GRK6: variants seen among roughly 807,000 people sequenced by gnomAD.
GRK6 encodes the protein G protein-coupled receptor kinase 6.
In GRK6, 37 loss-of-function variants were observed where a neutral mutation model predicts 80.8. The observed-to-expected ratio is 0.46, with a 90% CI of 0.35 to 0.60. GRK6 has a LOEUF of 0.60. Ranked by LOEUF, GRK6 falls within the 20% of genes least tolerant of loss-of-function variation. The probability of loss-of-function intolerance (pLI) is 0.00; values close to 1 mark genes in which losing one functional copy is unlikely to be tolerated. For synonymous variants in GRK6, 295 were observed against 320.9 expected (o/e 0.92, Z 0.86); for missense variants, 560 against 784.6 (o/e 0.71, Z 3.42).
chr5:177,441,031 T>TG lies in GRK6; in HGVS notation c.1656dup (p.Gln553AlafsTer116). 6.2e-7 allele frequency: 1 copy of TG among 1,613,986 alleles called. No homozygotes were observed. Among genetic ancestry groups the TG allele is most frequent in the Non-Finnish European group, 8.5e-7 (1 of 1,179,978 alleles). On this transcript the variant is annotated frameshift_variant, in exon 15 of 16. Transcript: ENST00000355472. LOFTEE classifies it high-confidence loss of function. ...CCTGCACCTCCTAAAAAGGGACTGC[T>TG]GCAGAGACTCTTCAGTCGCCAAGTA...
intron 15 of GRK6, among the ~76,000 whole-genome samples, 188 bp from the exon 16 acceptor site, chr5:177,441,549 A>G (rs373017798): frequency 2.0e-5 from 3 of 152,084 alleles, no homozygotes; most frequent in Non-Finnish European, 2.9e-5. Flanking sequence ...AGCCTCTGCA[A>G]TGACGCCCAC....
chr5:177,437,259 C>T (rs996200094), intron 13 of GRK6, among the ~76,000 whole-genome samples: 9 of 151,994 alleles, frequency 5.9e-5, no homozygotes, highest in Non-Finnish European at 1.0e-4. Context: ...CTGCCCTTGC[C>T]CAATAATTTC....
intron 13 of GRK6, among the ~76,000 whole-genome samples, chr5:177,437,504 A>C (rs1764216675): frequency 6.6e-6 from 1 of 152,142 alleles, no homozygotes; most frequent in African/African-American, 2.4e-5. Context: ...TCACCTGTTA[A>C]CTGAGCATCT....
At chr5:177,430,456 A>G (rs1039497619) in intron 1 of GRK6, among the ~76,000 whole-genome samples, 2 of 152,130 alleles carry the variant, frequency 1.3e-5, no homozygotes, top group South Asian at 2.1e-4. Context: ...CCTTGTCCCC[A>G]TGCTGCCCTG....
At chr5:177,426,195 C>T (rs558763466), upstream of GRK6, among the ~76,000 whole-genome samples, 2 of 152,302 alleles carry the variant, frequency 1.3e-5, no homozygotes, top group East Asian at 3.9e-4. Flanking sequence ...GCTGCCAGCC[C>T]GCAGGAGGCC....
chr5:177,431,946 C>G, intron 2 of GRK6, 49 bp from the exon 3 acceptor site: 1 of 1,513,442 alleles, frequency 6.6e-7, no homozygotes, highest in Non-Finnish European at 9.2e-7. Flanking sequence ...CATGCCCCAC[C>G]CATGTGCTCT....
chr5:177,441,674 C>T, intron 15 of GRK6, 63 bp from the exon 16 acceptor site: 1 of 1,372,754 alleles, frequency 7.3e-7, no homozygotes, highest in Non-Finnish European at 1.0e-6. Context: ...TGTGACGTCC[C>T]TCGTGGTTAA....
At position 177,441,073 on chromosome 5, in the gene GRK6, T is replaced by C. The variant is rs373478948; in HGVS notation, c.1677+20T>C. ...CGCCAAGTAAGCCCCAGCAGCGGCC[T>C]ACCTGGGCCCCTAACCTGGCTCCAG... On this transcript the variant is annotated intron_variant, in intron 15 of 15. Coordinates refer to ENST00000355472, the MANE Select transcript of GRK6 (RefSeq NM_001004106.3). 1.6e-4 allele frequency: 257 copies of C among 1,612,148 alleles called. 2 individuals are homozygous for C. The South Asian group carries it at 2.2e-3, about 14-fold the overall frequency.
chr5:177,434,879 A>G, intron 9 of GRK6, 23 bp from the exon 10 acceptor site: 1 of 1,595,080 alleles, frequency 6.3e-7, no homozygotes, highest in Non-Finnish European at 8.6e-7. Context: ...GCAGCATCTG[A>G]CCCTGCTCTT....
rs759973265 is a variant in GRK6, at chr5:177,436,300, G to T, written c.1266+19G>T. The T allele has an allele frequency of 9.9e-6, 16 of 1,613,520 alleles. No individual in the cohort carries two copies. The highest frequency in any genetic ancestry group is 1.3e-5 in the Non-Finnish European group (15 of 1,179,802). On this transcript the variant is annotated intron_variant, in intron 12 of 15. Coordinates refer to ENST00000355472, the MANE Select transcript of GRK6 (RefSeq NM_001004106.3). ...CTCACAGGTACGGCAGCTCACAGAA[G>T]CCTGGCCAGCCAGGGCTGGGGTGGA...
chr5:177,436,014 G>T, intron 11 of GRK6, 59 bp from the exon 12 acceptor site: 4 of 1,465,324 alleles, frequency 2.7e-6, no homozygotes, highest in Non-Finnish European at 3.8e-6. Flanking sequence ...GCGTTCCTGG[G>T]GCCTGAGGGT....
At position 177,436,436 on chromosome 5, in the gene GRK6, G is replaced by A. The variant is rs760926294; in HGVS notation, c.1310G>A (p.Gly437Asp). Residue 437 changes from glycine (G) to aspartate (D), a missense_variant, in exon 13 of 16, where the codon GGC becomes GAC. Coordinates refer to ENST00000355472, the MANE Select transcript of GRK6 (RefSeq NM_001004106.3). Reference sequence around the variant, plus strand: ...GCCGAACGCCTGGGGTGTCGTGGGGGCAGTGCCCGCGAGGTGAAGGAGCAC... The same window carrying A: ...GCCGAACGCCTGGGGTGTCGTGGGGACAGTGCCCGCGAGGTGAAGGAGCAC... ...DPAERLGCRG[G>D]SAREVKEHPL... 3.7e-6 allele frequency: 6 copies of A among 1,613,274 alleles called. No individual in the cohort carries two copies. In the Admixed American group the frequency reaches 5.0e-5, roughly 13 times the overall value.
Position 177,430,953 on chromosome 5 carries a change from T to C in GRK6, c.134T>C (p.Leu45Pro). The change falls in exon 2 of 16, where the codon CTG becomes CCG. Residue 45 changes from leucine to proline, a missense_variant. Physicochemically the swap from Leu to Pro is moderately conservative, Grantham distance 98. Around this residue, in one of 3 missense-constraint regions of GRK6, gnomAD observed 189 missense variants for 230.2 expected, o/e 0.82. Transcript: ENST00000355472. ...CCTCACATCAGCCAGTGCGAAGAGC[T>C]GCGGCTCAGCCTCGGTGAGGCCTGG... ...QFPHISQCEE[L>P]RLSLERDYHS... is the part of the protein sequence containing the mutation. The C allele has an allele frequency of 6.2e-7, 1 of 1,613,614 alleles. No individual in the cohort carries two copies. The highest frequency in any genetic ancestry group is 1.1e-5 in the South Asian group (1 of 91,066).
chr5:177,426,829 A>C lies in GRK6; in HGVS notation c.-17A>C. The C allele has an allele frequency of 1.7e-6, 2 of 1,205,286 alleles. No individual in the cohort carries two copies. The highest frequency in any genetic ancestry group is 2.1e-6 in the Non-Finnish European group (2 of 968,724). 74.7% of individuals were successfully genotyped at this position (1,205,286 alleles called of 1,614,324 possible). A position where few individuals can be genotyped will look rare whatever the true frequency, so the allele number is the denominator to read the frequency against. On this transcript the variant is annotated 5_prime_UTR_variant, in exon 1 of 16. Transcript: ENST00000355472. ...GGCCGGCGGCGCGGCCCGGCGGGCC[A>C]GGCGGCGCCACAGCCCATGGAGCTC...
At chr5:177,431,299 C>T (rs1682478515) in intron 2 of GRK6, among the ~76,000 whole-genome samples, 1 of 152,210 alleles carries the variant, frequency 6.6e-6, no homozygotes, top group Non-Finnish European at 1.5e-5. Flanking sequence ...TGGGCCAGCC[C>T]ACAGACTGAC....
At position 177,429,605 on chromosome 5, in the gene GRK6, G is replaced by A. The variant is rs1763804164; in HGVS notation, c.53-1267G>A. On this transcript the variant is annotated intron_variant, in intron 1 of 15. Transcript: ENST00000355472. This position sits in a 1 kb window ranked among gnomAD's most constrained non-coding sequence, Gnocchi z 4.3. ...GCCCCTGCAGTACTTCCTTCTCCAG[G>A]CAGCTTAGGTCGGGGAGTCATCTAG... is the stretch of plus-strand genomic sequence containing the variant. Among the ~76,000 whole-genome samples the A allele has an allele frequency of 2.6e-5, 4 of 152,292 alleles. No individual in the cohort carries two copies. In the South Asian group the frequency reaches 8.3e-4, roughly 32 times the overall value.
At chr5:177,441,657 G>A (rs1373512937) in intron 15 of GRK6, 80 bp from the exon 16 acceptor site, 7 of 1,188,072 alleles carry the variant, frequency 5.9e-6, no homozygotes, top group Admixed American at 5.0e-5. Context: ...TGGCAGGGTC[G>A]GCCCCATGTG....
intron 2 of GRK6, 40 bp from the exon 3 acceptor site, chr5:177,431,955 C>G: frequency 6.3e-7 from 1 of 1,580,704 alleles, no homozygotes; most frequent in Non-Finnish European, 8.7e-7. Flanking sequence ...CCCATGTGCT[C>G]TCGGGCTGTG....
intron 1 of GRK6, among the ~76,000 whole-genome samples, chr5:177,430,456 A>T (rs1039497619): frequency 6.6e-6 from 1 of 152,130 alleles, no homozygotes; most frequent in African/African-American, 2.4e-5. Context: ...CCTTGTCCCC[A>T]TGCTGCCCTG....
Sources: gnomAD v4.1 joint callset for allele counts (sites outside exome capture counted in the v4.1 genomes callset) on GRCh38, gnomAD v4.1.1 for gene constraint, gnomAD v4.1.1 regional missense constraint, Gnocchi (gnomAD v3.1) non-coding constraint, MANE v1.5 for transcripts, NCBI Gene and HGNC (gene_info 2026-07-23, HGNC 2026-07-21) for gene names.